DNAAF11: variants seen among roughly 807,000 people sequenced by gnomAD.
The protein encoded by DNAAF11 is leucine rich repeat containing 6.
DNAAF11 carries 45 observed loss-of-function variants against 60.8 expected under a neutral mutation model. The observed-to-expected ratio is 0.74, with a 90% confidence interval of 0.58 to 0.95. The LOEUF (loss-of-function observed/expected upper bound fraction) is 0.95. Ranked by LOEUF, DNAAF11 falls within the 40% of genes least tolerant of loss-of-function variation. The pLI is 0.00. For synonymous variants in DNAAF11, 191 were observed against 183.5 expected (o/e 1.04, Z -0.33); for missense variants, 546 against 546.2 (o/e 1.00, Z 0.00).
chr8:132,662,343 C>T (rs1824221404), intron 1 of DNAAF11, among the ~76,000 whole-genome samples: 1 of 152,136 alleles, frequency 6.6e-6, no homozygotes, highest in African/African-American at 2.4e-5. Flanking sequence ...GGAGACTGGA[C>T]ATAGCACTAT....
chr8:132,640,567 G>C (rs937243640), intron 3 of DNAAF11, among the ~76,000 whole-genome samples: 1 of 151,898 alleles, frequency 6.6e-6, no homozygotes, highest in Non-Finnish European at 1.5e-5. Context: ...TTTGGTTTTA[G>C]ACATGAATTT....
At chr8:132,648,403 A>T (rs1822624816) in intron 3 of DNAAF11, among the ~76,000 whole-genome samples, 1 of 152,212 alleles carries the variant, frequency 6.6e-6, no homozygotes, top group Non-Finnish European at 1.5e-5. Flanking sequence ...AGCCAATATC[A>T]TACTGAATGG....
intron 10 of DNAAF11, among the ~76,000 whole-genome samples, chr8:132,594,061 T>A (rs1402920606): frequency 6.6e-6 from 1 of 152,166 alleles, no homozygotes; most frequent in Non-Finnish European, 1.5e-5. Context: ...AAACTTCTGC[T>A]TATTATACAA....
At chr8:132,700,715 A>T in the DNAAF11 span, among the ~76,000 whole-genome samples, 1 of 152,006 alleles carries the variant, frequency 6.6e-6, no homozygotes, top group African/African-American at 2.4e-5. Context: ...ATAGAAACAG[A>T]ATCTGATTGC....
At chr8:132,686,666 A>T in the DNAAF11 span, among the ~76,000 whole-genome samples, 2 of 152,074 alleles carry the variant, frequency 1.3e-5, no homozygotes, top group Non-Finnish European at 2.9e-5. Flanking sequence ...AGCAGTGGTG[A>T]TAGAGGGAAG....
At chr8:132,598,035 C>A (rs377236356) in intron 10 of DNAAF11, among the ~76,000 whole-genome samples, 1 of 152,174 alleles carries the variant, frequency 6.6e-6, no homozygotes, top group Non-Finnish European at 1.5e-5. Context: ...AATTATGAGG[C>A]ATTGTTTGTG....
intron 3 of DNAAF11, among the ~76,000 whole-genome samples, chr8:132,649,314 T>A (rs111296650): frequency 3.3e-5 from 5 of 152,300 alleles, no homozygotes; most frequent in African/African-American, 1.2e-4. Flanking sequence ...TGGCTAGCCA[T>A]ATGTAGAAAG....
intron 7 of DNAAF11, among the ~76,000 whole-genome samples, chr8:132,620,925 A>G (rs1308901162): frequency 6.6e-6 from 1 of 152,172 alleles, no homozygotes; most frequent in Non-Finnish European, 1.5e-5. Context: ...GGGAACTGAG[A>G]GGCCAGGGCT....
intron 10 of DNAAF11, among the ~76,000 whole-genome samples, chr8:132,595,089 C>G (rs1028764566): frequency 6.6e-6 from 1 of 152,096 alleles, no homozygotes; most frequent in African/African-American, 2.4e-5. Context: ...GTCAATTAAA[C>G]CTCTTTCCTT....
the DNAAF11 span, among the ~76,000 whole-genome samples, chr8:132,683,173 A>G: frequency 6.6e-6 from 1 of 152,236 alleles, no homozygotes; most frequent in Non-Finnish European, 1.5e-5. Flanking sequence ...CAAATAAAAA[A>G]GGATCTTTTC....
intron 5 of DNAAF11, among the ~76,000 whole-genome samples, chr8:132,630,447 G>A (rs924128209): frequency 6.6e-6 from 1 of 151,366 alleles, no homozygotes; most frequent in Admixed American, 6.6e-5. Context: ...ATTGGCAAAG[G>A]TTAATTCCAG....
At chr8:132,603,766 A>G (rs951798323) in intron 10 of DNAAF11, among the ~76,000 whole-genome samples, 1 of 152,026 alleles carries the variant, frequency 6.6e-6, no homozygotes, top group Non-Finnish European at 1.5e-5. Flanking sequence ...TTTGTTTTTT[A>G]AGAGGGGAGA....
At chr8:132,580,034 A>C (rs1206348270) in intron 11 of DNAAF11, among the ~76,000 whole-genome samples, 6 of 151,860 alleles carry the variant, frequency 4.0e-5, no homozygotes, top group Non-Finnish European at 8.8e-5. Flanking sequence ...ACGACTACTC[A>C]AGGAAAAAAA....
intron 10 of DNAAF11, among the ~76,000 whole-genome samples, chr8:132,593,003 A>T (rs1240180912): frequency 6.6e-6 from 1 of 151,944 alleles, no homozygotes; most frequent in Non-Finnish European, 1.5e-5. Flanking sequence ...AATGGATAAG[A>T]TCAATCAGGA....
chr8:132,604,656 GA>G (rs1361468221), intron 10 of DNAAF11, among the ~76,000 whole-genome samples: 2 of 152,130 alleles, frequency 1.3e-5, no homozygotes, highest in African/African-American at 4.8e-5. Context: ...TCCTCCGGAT[GA>G]TGATGAAAAG....
chr8:132,681,435 G>C, the DNAAF11 span, among the ~76,000 whole-genome samples: 1 of 151,106 alleles, frequency 6.6e-6, no homozygotes, highest in African/African-American at 2.4e-5. Flanking sequence ...TACCAACCTA[G>C]TGAAAAAGAT....
intron 7 of DNAAF11, among the ~76,000 whole-genome samples, chr8:132,619,460 A>T (rs908942265): frequency 3.0e-4 from 16 of 53,000 alleles, no homozygotes; most frequent in African/African-American, 1.1e-3. Flanking sequence ...ATAATAAATT[A>T]AAAAAAAAGA....
chr8:132,700,916 T>C, the DNAAF11 span, among the ~76,000 whole-genome samples: 87 of 152,266 alleles, frequency 5.7e-4, no homozygotes, highest in African/African-American at 2.0e-3. Context: ...GAATACCACA[T>C]ACTTGATAAT....
chr8:132,649,070 A>T (rs1195388135), intron 3 of DNAAF11, among the ~76,000 whole-genome samples: 2 of 152,204 alleles, frequency 1.3e-5, no homozygotes, highest in African/African-American at 4.8e-5. Context: ...GACAATCCTA[A>T]GCAAAAAGAA....
Sources: gnomAD v4.1 joint callset for allele counts (sites outside exome capture counted in the v4.1 genomes callset) on GRCh38, gnomAD v4.1.1 for gene constraint, MANE v1.5 for transcripts, NCBI Gene and HGNC (gene_info 2026-07-23, HGNC 2026-07-21) for gene names.